SLC35A5: variants seen among roughly 807,000 people sequenced by gnomAD.
SLC35A5 encodes the protein UDP-sugar transporter protein SLC35A5.
Under a neutral mutation model 36.3 loss-of-function variants are expected in SLC35A5, and 28 were observed. The ratio of observed to expected loss-of-function variants is 0.77; its 90% CI spans 0.57 to 1.06. The LOEUF is 1.06. Ranked by LOEUF, SLC35A5 falls within the 50% of genes least tolerant of loss-of-function variation. The pLI is 0.00. For synonymous variants in SLC35A5, 180 were observed against 173.7 expected (o/e 1.04, Z -0.29); for missense variants, 521 against 499.3 (o/e 1.04, Z -0.41).
At chr3:112,577,117 T>C (rs1934711303) in intron 5 of SLC35A5, among the ~76,000 whole-genome samples, 3 of 151,366 alleles carry the variant, frequency 2.0e-5, no homozygotes, top group Admixed American at 2.0e-4. Context: ...TTTTTAAAAA[T>C]TCTTAAAAAG....
intron 1 of SLC35A5, among the ~76,000 whole-genome samples, chr3:112,562,631 T>C (rs1333180524): frequency 2.6e-5 from 4 of 152,276 alleles, no homozygotes; most frequent in Non-Finnish European, 2.9e-5. Context: ...AGTAAAACTT[T>C]ACAGCAGTGT....
At position 112,584,397 on chromosome 3, in the gene SLC35A5, C is replaced by G. The variant is rs568515349; in HGVS notation, c.*1661C>G. 4 of 152,224 alleles carry G rather than the reference C, an allele frequency of 2.6e-5. No homozygotes were observed. Among genetic ancestry groups the G allele is most frequent in the African/African-American group, 9.6e-5 (4 of 41,524 alleles). The allele number at this position is 152,224 out of a possible 1,614,324, so 9.4% of individuals were successfully genotyped here. ...AGCAGGACCTTTCTAGGAAATGTGGCATACAAAACATTTTTATCTCATAAA... is the reference window on the plus strand; with the variant it reads ...AGCAGGACCTTTCTAGGAAATGTGGGATACAAAACATTTTTATCTCATAAA... On this transcript the variant is annotated 3_prime_UTR_variant, in exon 7 of 7. Coordinates refer to ENST00000492406, the MANE Select transcript of SLC35A5 (RefSeq NM_017945.5).
chr3:112,569,312 CA>C, intron 3 of SLC35A5, 43 bp downstream of exon 3: 7 of 1,465,574 alleles, frequency 4.8e-6, no homozygotes, highest in South Asian at 1.2e-5. Context: ...ATCATAGGAC[CA>C]AAAAATGTTA....
Position 112,576,588 on chromosome 3 carries a change from CTT to C in SLC35A5, c.428+2638_428+2639del, listed in dbSNP as rs1048689579. Among the ~76,000 whole-genome samples the C allele has an allele frequency of 7.2e-5, 11 of 152,148 alleles. 1 individual carries two copies. ...CCCCTGATAACTACCATTTCACTCT[CTT>C]TTTTTCTTTGAATTTGACTACTTTA... On this transcript the variant is annotated intron_variant, in intron 5 of 6. Transcript: ENST00000492406.
chr3:112,569,782 C>T (rs1279850085), intron 3 of SLC35A5, among the ~76,000 whole-genome samples: 1 of 152,180 alleles, frequency 6.6e-6, no homozygotes, highest in Non-Finnish European at 1.5e-5. Context: ...AATGTATATG[C>T]TGTTTAATAT....
At chr3:112,579,281 C>G (rs139724098) in intron 5 of SLC35A5, among the ~76,000 whole-genome samples, 1 of 152,198 alleles carries the variant, frequency 6.6e-6, no homozygotes, top group East Asian at 1.9e-4. Flanking sequence ...TTAACTGTTT[C>G]CTCCCTTAGA....
intron 2 of SLC35A5, among the ~76,000 whole-genome samples, chr3:112,565,475 A>G (rs925175940): frequency 2.0e-5 from 3 of 152,230 alleles, no homozygotes; most frequent in Non-Finnish European, 4.4e-5. Context: ...GAAATTACCA[A>G]GCAAAAAGTT....
In SLC35A5 at chr3:112,563,325, T is replaced by A. The variant is rs529951761; in HGVS notation, c.-19-60T>A. ...ATTCCTTTTTTGTCCTCACGATCAA[T>A]GGTATTTGCGTTTAGGGTCTGCCAA... On this transcript the variant is annotated intron_variant, in intron 1 of 6. Transcript: ENST00000492406. The A allele has an allele frequency of 2.2e-6, 3 of 1,355,270 alleles. No homozygotes were observed. The Admixed American group carries it at 8.2e-5, about 37-fold the overall frequency. The allele number at this position is 1,355,270 out of a possible 1,614,324, so 84.0% of individuals were successfully genotyped here.
At chr3:112,565,244 A>G (rs1277691127) in intron 2 of SLC35A5, among the ~76,000 whole-genome samples, 1 of 152,214 alleles carries the variant, frequency 6.6e-6, no homozygotes, top group Admixed American at 6.5e-5. Context: ...AATAATTGAT[A>G]TATCCTGAAG....
intron 5 of SLC35A5, among the ~76,000 whole-genome samples, chr3:112,577,257 A>G (rs1239505804): frequency 6.6e-6 from 1 of 152,226 alleles, no homozygotes; most frequent in Non-Finnish European, 1.5e-5. Flanking sequence ...AAAGAATAAA[A>G]TACCTAAAGG....
intron 2 of SLC35A5, among the ~76,000 whole-genome samples, chr3:112,567,692 TGTAGAAAG>T (rs1386071088): frequency 3.9e-5 from 6 of 152,146 alleles, no homozygotes; most frequent in African/African-American, 1.4e-4. Context: ...GTGAATGCCA[TGTAGAAAG>T]GTATGTTAGT....
intron 2 of SLC35A5, among the ~76,000 whole-genome samples, chr3:112,565,981 G>A (rs767969681): frequency 7.9e-5 from 12 of 152,110 alleles, no homozygotes; most frequent in Non-Finnish European, 1.8e-4. Flanking sequence ...GTAGCTGGAT[G>A]GCAGTGGAAA....
chr3:112,573,363 T>G (rs1934532190), intron 4 of SLC35A5, among the ~76,000 whole-genome samples: 1 of 152,208 alleles, frequency 6.6e-6, no homozygotes, highest in African/African-American at 2.4e-5. Flanking sequence ...TCTAAGTGTT[T>G]AGAACAACTT....
intron 2 of SLC35A5, among the ~76,000 whole-genome samples, chr3:112,566,371 G>T (rs1292117331): frequency 6.6e-6 from 1 of 152,116 alleles, no homozygotes; most frequent in Non-Finnish European, 1.5e-5. Context: ...TAGGAGGTAG[G>T]TTTTCGTTTG....
intron 5 of SLC35A5, among the ~76,000 whole-genome samples, chr3:112,575,355 G>C (rs773522950): frequency 3.3e-5 from 5 of 152,056 alleles, no homozygotes; most frequent in Non-Finnish European, 7.4e-5. Flanking sequence ...ATTTACTAAA[G>C]ACTAAAAGTA....
chr3:112,575,172 C>G (rs1196059351), intron 5 of SLC35A5, among the ~76,000 whole-genome samples: 2 of 152,058 alleles, frequency 1.3e-5, no homozygotes. Context: ...GTTCCAAGAC[C>G]ATTTCCATAT....
At position 112,564,430 on chromosome 3, in the gene SLC35A5, C is replaced by A. The variant is rs556667573; in HGVS notation, c.130+897C>A. 3 of 152,356 alleles carry A rather than the reference C, an allele frequency of 2.0e-5. No homozygotes were observed. In the East Asian group the frequency reaches 5.8e-4, roughly 29 times the overall value. 9.4% of individuals were successfully genotyped at this position (152,356 alleles called of 1,614,324 possible). A position where few individuals can be genotyped will look rare whatever the true frequency, so the allele number is the denominator to read the frequency against. ...ATAAACATTTCAATGCCTTAAAGAG[C>A]AGTATTGTTGCCCGCATGTCCCACC... On this transcript the variant is annotated intron_variant, in intron 2 of 6. Coordinates refer to ENST00000492406, the MANE Select transcript of SLC35A5 (RefSeq NM_017945.5).
upstream of SLC35A5, chr3:112,561,446 G>T (rs751691687): frequency 6.2e-7 from 1 of 1,611,896 alleles, no homozygotes; most frequent in South Asian, 1.1e-5. Context: ...GGCAACCCTG[G>T]CCTGGCTTAC....
intron 3 of SLC35A5, among the ~76,000 whole-genome samples, chr3:112,569,737 C>T (rs1371094679): frequency 6.6e-6 from 1 of 152,150 alleles, no homozygotes; most frequent in Non-Finnish European, 1.5e-5. Flanking sequence ...GATACTAATT[C>T]CTTTCTCAAA....
Sources: gnomAD v4.1 joint callset for allele counts (sites outside exome capture counted in the v4.1 genomes callset) on GRCh38, gnomAD v4.1.1 for gene constraint, MANE v1.5 for transcripts, NCBI Gene and HGNC (gene_info 2026-07-23, HGNC 2026-07-21) for gene names.